TUBGCP2: variants seen among roughly 807,000 people sequenced by gnomAD.
TUBGCP2 encodes tubulin gamma complex component 2.
A neutral mutation model predicts 92.2 loss-of-function variants in TUBGCP2; 55 were observed. That is an observed-to-expected ratio of 0.60 (90% CI 0.48 to 0.75). The LOEUF is 0.75. TUBGCP2 is among the 30% of genes least tolerant of loss of function. The probability of loss-of-function intolerance (pLI) is 0.00; values close to 1 mark genes in which losing one functional copy is unlikely to be tolerated. For synonymous variants in TUBGCP2, 533 were observed against 505.2 expected (o/e 1.06, Z -0.74); for missense variants, 1,093 against 1,188.9 (o/e 0.92, Z 1.19).
chr10:133,293,458 C>T (rs1302649749), intron 6 of TUBGCP2, 104 bp downstream of exon 6: 6 of 1,359,178 alleles, frequency 4.4e-6, no homozygotes, highest in Admixed American at 2.1e-5. Context: ...CCAAGGCGGG[C>T]GCTCTCTTTA....
At chr10:133,299,928 C>A in intron 3 of TUBGCP2, 57 bp downstream of exon 3, 5 of 1,595,996 alleles carry the variant, frequency 3.1e-6, no homozygotes, top group East Asian at 2.2e-5. Context: ...GGAGACGCGA[C>A]CCCACTCCCA....
In TUBGCP2 at chr10:133,285,672, A is replaced by G; in HGVS notation, c.1723-44T>C. On this transcript the variant is annotated intron_variant, in intron 11 of 17. Transcript: ENST00000252936. The surrounding 1 kb of genome is among the most constrained non-coding windows in gnomAD (Gnocchi z 6.8). ...AAACAAAGCATCCAGTTTTAAGGAA[A>G]AGACCCGAAGTCGCATCCCGATCGC... 6.8e-7 allele frequency: 1 copy of G among 1,479,208 alleles called. No individual in the cohort carries two copies. The highest frequency in any genetic ancestry group is 9.0e-7 in the Non-Finnish European group (1 of 1,116,208). 91.6% of individuals were successfully genotyped at this position (1,479,208 alleles called of 1,614,324 possible).
rs373377076 is a variant in TUBGCP2, at chr10:133,285,239, G to A, written c.1896-26C>T. 2.0e-4 allele frequency: 322 copies of A among 1,609,976 alleles called. No individual in the cohort carries two copies. The highest frequency in any genetic ancestry group is 4.9e-4 in the Middle Eastern group (3 of 6,082). On this transcript the variant is annotated intron_variant, in intron 12 of 17. Coordinates refer to ENST00000252936, the MANE Select transcript of TUBGCP2 (RefSeq NM_006659.4). The surrounding 1 kb of genome is among the most constrained non-coding windows in gnomAD (Gnocchi z 6.8). ...CTGCAAGAGACGTGGCGGCACCTCA[G>A]GTGGGCCTCCGTGACCGGCGGCGTC...
intron 5 of TUBGCP2, 45 bp from the exon 6 acceptor site, chr10:133,293,814 T>C (rs769758306): frequency 3.3e-6 from 5 of 1,529,038 alleles, no homozygotes; most frequent in Non-Finnish European, 4.4e-6. Context: ...CCCACTCCCA[T>C]GCCCCCACAG....
chr10:133,288,020 C>A, intron 11 of TUBGCP2, 109 bp downstream of exon 11: 1 of 1,382,726 alleles, frequency 7.2e-7, no homozygotes, highest in South Asian at 1.5e-5. Flanking sequence ...ACCCTGCGGT[C>A]GCCTCACCGG....
chr10:133,309,298 G>A, upstream of TUBGCP2: 1 of 1,475,256 alleles, frequency 6.8e-7, no homozygotes, highest in Non-Finnish European at 9.2e-7. Flanking sequence ...ACCGGAGCGC[G>A]GGATGACTGG....
At chr10:133,283,598 T>G (rs577466740) in intron 14 of TUBGCP2, among the ~76,000 whole-genome samples, 182 of 136,808 alleles carry the variant, frequency 1.3e-3, no homozygotes, top group Non-Finnish European at 2.4e-3. Context: ...GCCAGCAGTG[T>G]GGGTGCAGCC....
At chr10:133,309,698 C>G, upstream of TUBGCP2, 1 of 1,550,044 alleles carries the variant, frequency 6.5e-7, no homozygotes, top group Non-Finnish European at 8.9e-7. Flanking sequence ...TTGGACGTCT[C>G]AAAGGGAAAC....
upstream of TUBGCP2, chr10:133,310,178 A>G: frequency 6.2e-7 from 1 of 1,613,984 alleles, no homozygotes; most frequent in Admixed American, 1.7e-5. Context: ...AGTGCTTGGT[A>G]GAAGGCTGCA....
chr10:133,290,371 T>C (rs934580852), intron 8 of TUBGCP2: 2 of 168,120 alleles, frequency 1.2e-5, no homozygotes, highest in African/African-American at 4.7e-5. Flanking sequence ...TGTGCACCTG[T>C]AGTCCCAGCT....
intron 5 of TUBGCP2, among the ~76,000 whole-genome samples, chr10:133,296,233 A>C (rs2995331): frequency 0.093 from 14,192 of 152,222 alleles, 799 homozygotes; most frequent in Admixed American, 0.15. Context: ...ATGGGGGGAA[A>C]GCCTGAACAC....
intron 13 of TUBGCP2, among the ~76,000 whole-genome samples, chr10:133,284,810 C>T (rs1306183745): frequency 6.6e-6 from 1 of 152,268 alleles, no homozygotes; most frequent in Non-Finnish European, 1.5e-5. Context: ...GGGCAGTCTC[C>T]ATGCCCGTGC....
rs764378638 is a variant in TUBGCP2 at position 133,282,218 on chromosome 10, C to T, written c.2409+5G>A. 20 of 1,611,622 alleles carry T rather than the reference C, an allele frequency of 1.2e-5. No individual in the cohort carries two copies. The highest frequency in any genetic ancestry group is 1.5e-5 in the Non-Finnish European group (18 of 1,179,750). On this transcript the variant is annotated splice_donor_5th_base_variant and intron_variant, in intron 16 of 17. Coordinates refer to ENST00000252936, the MANE Select transcript of TUBGCP2 (RefSeq NM_006659.4). ...TCTCTCTGGCCAAACCTGGAGGCCA[C>T]GCACCTTCCTGGCGAGCTCCTTCCG...
chr10:133,280,029 G>A (rs1017090888), intron 17 of TUBGCP2, 128 bp from the exon 18 acceptor site: 2 of 1,393,822 alleles, frequency 1.4e-6, no homozygotes, highest in African/African-American at 2.9e-5. Context: ...GGGCAGCAGG[G>A]GTGAGGAAGG....
chr10:133,309,458 G>A, upstream of TUBGCP2: 1 of 1,612,138 alleles, frequency 6.2e-7, no homozygotes, highest in Non-Finnish European at 8.5e-7. Context: ...TGCCTGAGAA[G>A]CCCAGGTAAG....
At chr10:133,311,528 G>A, upstream of TUBGCP2, 4 of 577,186 alleles carry the variant, frequency 6.9e-6, no homozygotes, top group Non-Finnish European at 9.2e-6. Flanking sequence ...TATAAACAAT[G>A]GCCTTGCTGT....
chr10:133,311,873 C>G, upstream of TUBGCP2: 1 of 1,613,316 alleles, frequency 6.2e-7, no homozygotes, highest in African/African-American at 1.3e-5. Context: ...GAAACCCGTT[C>G]TCAACATGTG....
intron 15 of TUBGCP2, among the ~76,000 whole-genome samples, chr10:133,282,845 G>A (rs781595721): frequency 6.6e-6 from 1 of 152,250 alleles, no homozygotes; most frequent in Non-Finnish European, 1.5e-5. Context: ...GCACCACAGA[G>A]GCTGAGGGAT....
At chr10:133,309,415 A>G (rs202111230), upstream of TUBGCP2, 4 of 1,612,206 alleles carry the variant, frequency 2.5e-6, no homozygotes, top group African/African-American at 5.3e-5. Flanking sequence ...CGCCACCTCT[A>G]CCTCCAGGAC....
Sources: allele counts gnomAD v4.1 joint callset (sites outside exome capture counted in the v4.1 genomes callset), GRCh38; gene constraint gnomAD v4.1.1; non-coding constraint Gnocchi (gnomAD v3.1); transcripts MANE v1.5; gene names NCBI Gene and HGNC (gene_info 2026-07-23, HGNC 2026-07-21).